The following TAAR5 variants were observed in gnomAD, a reference collection of about 807,000 sequenced individuals.
TAAR5 encodes the protein trace amine associated receptor 5.
Under a neutral mutation model 21.1 loss-of-function variants are expected in TAAR5, and 27 were observed. The observed-to-expected ratio is 1.28, with a 90% CI of 0.94 to 1.76. TAAR5 has a LOEUF of 1.76. Ranked by LOEUF, TAAR5 falls within the 40% of genes most tolerant of loss-of-function variation. The probability of loss-of-function intolerance (pLI) is 0.00; values close to 1 mark genes in which losing one functional copy is unlikely to be tolerated. For missense variants in TAAR5, 495 were observed against 405.6 expected, an observed-to-expected ratio of 1.22 and a Z score of -1.89; for synonymous variants, 203 against 167.5, an observed-to-expected ratio of 1.21 and a Z score of -1.64.
In TAAR5 at chr6:132,588,904, G is replaced by T. The variant is rs1776856173; in HGVS notation, c.783C>A (p.Tyr261Ter). The change falls in exon 1 of 1, where the codon TAC becomes TAA. Residue 261 changes from tyrosine (Y) to a stop codon, truncating the protein, a stop_gained. Coordinates refer to ENST00000258034, the MANE Select transcript of TAAR5 (RefSeq NM_003967.3). LOFTEE classifies it high-confidence loss of function. Reference protein sequence around the residue: ...AKTLGIAVGIYLLCWLPFTID... With the variant: ...AKTLGIAVGI The stretch of plus-strand genomic sequence containing the variant: ...TGGTGAAGGGCAGCCAGCACAAGAG[G>T]TATATGCCCACAGCAATGCCCAGGG... 6.2e-7 allele frequency: 1 copy of T among 1,614,130 alleles called. No individual in the cohort carries two copies. The highest frequency in any genetic ancestry group is 8.5e-7 in the Non-Finnish European group (1 of 1,180,004).
the TAAR5 span, among the ~76,000 whole-genome samples, chr6:132,596,562 CA>C: frequency 7.5e-4 from 114 of 152,284 alleles, 1 homozygote; most frequent in Admixed American, 3.4e-3. Context: ...AATAGCTTAG[CA>C]ATGATCTCCA....
the TAAR5 span, among the ~76,000 whole-genome samples, chr6:132,611,726 T>C: frequency 1.3e-5 from 2 of 152,192 alleles, no homozygotes; most frequent in East Asian, 3.9e-4. Flanking sequence ...CCTAAAAGAA[T>C]GATCTGGTCT....
the TAAR5 span, chr6:132,608,929 G>A: frequency 8.8e-6 from 4 of 455,902 alleles, no homozygotes; most frequent in East Asian, 7.0e-5. Context: ...GAAAATGGAG[G>A]TCAGTCTGAG....
chr6:132,597,842 A>G, the TAAR5 span, among the ~76,000 whole-genome samples: 2 of 152,214 alleles, frequency 1.3e-5, no homozygotes, highest in African/African-American at 2.4e-5. Flanking sequence ...TTAAGGGAGA[A>G]GACGATAGAC....
At position 132,588,633 on chromosome 6, in the gene TAAR5, C is replaced by A. The variant is rs765242150; in HGVS notation, c.*40G>T. 1.3e-6 allele frequency: 2 copies of A among 1,569,314 alleles called. No individual in the cohort carries two copies. Among genetic ancestry groups the A allele is most frequent in the East Asian group, 4.5e-5 (2 of 44,430 alleles). Reference sequence around the variant, plus strand: ...ACGGTCACAGTGCCACTTATCTTTCCTGTGAGGTCCTACTCCTTGCCTGCA... The same window carrying A: ...ACGGTCACAGTGCCACTTATCTTTCATGTGAGGTCCTACTCCTTGCCTGCA... On this transcript the variant is annotated 3_prime_UTR_variant, in exon 1 of 1. Coordinates refer to ENST00000258034, the MANE Select transcript of TAAR5 (RefSeq NM_003967.3).
chr6:132,614,414 T>G, the TAAR5 span, among the ~76,000 whole-genome samples: 1 of 152,230 alleles, frequency 6.6e-6, no homozygotes, highest in Non-Finnish European at 1.5e-5. Context: ...ATAATGATTG[T>G]TTTTTAGTTA....
the TAAR5 span, among the ~76,000 whole-genome samples, chr6:132,615,125 G>A: frequency 6.6e-6 from 1 of 152,148 alleles, no homozygotes; most frequent in Admixed American, 6.6e-5. Context: ...GCCTCCCAAA[G>A]TGCTGGGATT....
At chr6:132,615,230 A>C in the TAAR5 span, among the ~76,000 whole-genome samples, 1 of 152,184 alleles carries the variant, frequency 6.6e-6, no homozygotes, top group Non-Finnish European at 1.5e-5. Flanking sequence ...CATTCTGGAA[A>C]GATTAAGTAC....
the TAAR5 span, among the ~76,000 whole-genome samples, chr6:132,597,355 T>C: frequency 6.6e-6 from 1 of 152,134 alleles, no homozygotes. Context: ...ATGTCAAAGA[T>C]AAGAATAATT....
the TAAR5 span, among the ~76,000 whole-genome samples, chr6:132,602,559 T>G: frequency 3.4e-4 from 51 of 152,234 alleles, no homozygotes; most frequent in African/African-American, 1.1e-3. Context: ...GCAGTACAGA[T>G]GAAGTTTTGC....
chr6:132,603,803 G>A, the TAAR5 span, among the ~76,000 whole-genome samples: 2 of 152,046 alleles, frequency 1.3e-5, no homozygotes, highest in Admixed American at 1.3e-4. Context: ...TATTATGGAA[G>A]TTTTTATGTG....
chr6:132,608,273 C>T, the TAAR5 span: 1 of 433,624 alleles, frequency 2.3e-6, no homozygotes, highest in Non-Finnish European at 4.6e-6. Context: ...AACAAATTTG[C>T]AGTTTCTGAA....
upstream of TAAR5, chr6:132,594,409 C>T (rs957231033): frequency 6.6e-6 from 1 of 152,066 alleles, no homozygotes; most frequent in Non-Finnish European, 1.5e-5. Context: ...GGGCAGAAAA[C>T]AGGCTTAGGG....
At chr6:132,593,515 G>T (rs1167035839), upstream of TAAR5, among the ~76,000 whole-genome samples, 1 of 152,146 alleles carries the variant, frequency 6.6e-6, no homozygotes, top group Non-Finnish European at 1.5e-5. Context: ...CCTGGGAAGA[G>T]GAGATTTGGT....
chr6:132,608,673 G>A, the TAAR5 span: 1 of 455,968 alleles, frequency 2.2e-6, no homozygotes, highest in South Asian at 1.5e-5. Flanking sequence ...AACATGTAGT[G>A]AACAATATTG....
the TAAR5 span, among the ~76,000 whole-genome samples, chr6:132,600,891 GGGAAGGAGGGAAGGAGGGAAAGAAGGAA>G: frequency 1.5e-5 from 1 of 65,718 alleles, no homozygotes; most frequent in Non-Finnish European, 3.0e-5. Flanking sequence ...GAGGGAAGAA[GGGAAGGAGGGAAGGAGGGAAAGAAGGAA>G]GGAAGGAGGG....
the TAAR5 span, among the ~76,000 whole-genome samples, chr6:132,615,544 A>G: frequency 7.9e-5 from 12 of 152,120 alleles, no homozygotes; most frequent in South Asian, 2.1e-4. Context: ...TAAATCCCCC[A>G]GGCTCAGTTT....
the TAAR5 span, among the ~76,000 whole-genome samples, chr6:132,614,689 C>G: frequency 6.6e-6 from 1 of 152,216 alleles, no homozygotes; most frequent in Admixed American, 6.5e-5. Flanking sequence ...GTATATGATT[C>G]ATATATAAGT....
At chr6:132,602,047 A>T in the TAAR5 span, among the ~76,000 whole-genome samples, 12 of 152,248 alleles carry the variant, frequency 7.9e-5, no homozygotes, top group Admixed American at 5.2e-4. Flanking sequence ...GATTTTTAAA[A>T]TAAGATTTTC....
Sources: gnomAD v4.1 joint callset for allele counts (sites outside exome capture counted in the v4.1 genomes callset) on GRCh38, gnomAD v4.1.1 for gene constraint, MANE v1.5 for transcripts, NCBI Gene and HGNC (gene_info 2026-07-23, HGNC 2026-07-21) for gene names.